Variants in CD200 observed in about 807,000 individuals in gnomAD.
CD200 encodes OX-2 membrane glycoprotein.
CD200 carries 15 observed loss-of-function variants against 30.9 expected under a neutral mutation model. That is an observed-to-expected ratio of 0.49 (90% CI 0.32 to 0.75). CD200 has a LOEUF of 0.75. Among genes scored for constraint, CD200 ranks in the 30% least tolerant of loss-of-function variants. The probability of loss-of-function intolerance (pLI) is 0.03; values close to 1 mark genes in which losing one functional copy is unlikely to be tolerated. For missense variants in CD200, 262 were observed against 324.2 expected (o/e 0.81, Z 1.47); for synonymous variants, 134 against 126.2 (o/e 1.06, Z -0.41).
chr3:112,337,515 C>T (rs1261841437), intron 1 of CD200, among the ~76,000 whole-genome samples: 1 of 152,118 alleles, frequency 6.6e-6, no homozygotes, highest in Non-Finnish European at 1.5e-5. Context: ...AGAATGAAAA[C>T]AGGCTAAGAA....
chr3:112,334,135 T>A (rs2081060800), intron 1 of CD200: 1 of 985,256 alleles, frequency 1.0e-6, no homozygotes, highest in Non-Finnish European at 1.2e-6. Context: ...TTTGTAACTA[T>A]CCTTCTAAAA....
In CD200 at chr3:112,335,972, C is replaced by T. The variant is rs917573790; in HGVS notation, c.12+2748C>T. On this transcript the variant is annotated intron_variant, in intron 1 of 5. Coordinates refer to ENST00000315711, the MANE Select transcript of CD200 (RefSeq NM_005944.7). Reference sequence around the variant, plus strand: ...TGACCAGGACAATTGGGGGCCCTCTCCTTACAGCTACACTCCTAGGAAAGA... The same window carrying T: ...TGACCAGGACAATTGGGGGCCCTCTTCTTACAGCTACACTCCTAGGAAAGA... 5.0e-6 allele frequency: 8 copies of T among 1,612,656 alleles called. No individual in the cohort carries two copies. In the African/African-American group the frequency reaches 6.7e-5, roughly 13 times the overall value.
intron 5 of CD200, among the ~76,000 whole-genome samples, chr3:112,350,310 T>C (rs1489150906): frequency 6.6e-6 from 1 of 152,254 alleles, no homozygotes; most frequent in Non-Finnish European, 1.5e-5. Flanking sequence ...CATGCCATTC[T>C]GCCCTTCTAG....
At chr3:112,360,740 T>A (rs1480126311) in intron 5 of CD200, among the ~76,000 whole-genome samples, 1 of 152,132 alleles carries the variant, frequency 6.6e-6, no homozygotes, top group Non-Finnish European at 1.5e-5. Flanking sequence ...AAGATAAAAT[T>A]CCAAGTCTTT....
intron 5 of CD200, among the ~76,000 whole-genome samples, chr3:112,353,387 T>C (rs2081571172): frequency 6.6e-6 from 1 of 152,184 alleles, no homozygotes; most frequent in Non-Finnish European, 1.5e-5. Flanking sequence ...GTAAAATTTA[T>C]ATGCCAAACT....
rs1386222788 is a variant in CD200, at chr3:112,361,622, A to T, written c.*72A>T. On this transcript the variant is annotated 3_prime_UTR_variant, in exon 6 of 6. Transcript: ENST00000315711. ...TTGACACAAGAGAAAAGCAGGAGGA[A>T]AAGGGGCCATTCTCCAAAGGACCTG... 2 of 1,359,642 alleles carry T rather than the reference A, an allele frequency of 1.5e-6. No homozygotes were observed. Among genetic ancestry groups the T allele is most frequent in the Non-Finnish European group, 2.1e-6 (2 of 948,164 alleles). The allele number at this position is 1,359,642 out of a possible 1,614,324, so 84.2% of individuals were successfully genotyped here.
chr3:112,348,394 C>T (rs2399417), intron 4 of CD200, among the ~76,000 whole-genome samples: 18,875 of 152,138 alleles, frequency 0.12, 1,464 homozygotes, highest in South Asian at 0.27. Flanking sequence ...GAAGTGCTTT[C>T]GTCACCCATT....
chr3:112,359,690 A>T (rs1391433811), intron 5 of CD200, among the ~76,000 whole-genome samples: 5 of 152,230 alleles, frequency 3.3e-5, no homozygotes, highest in Non-Finnish European at 7.3e-5. Flanking sequence ...AGCACTGGTT[A>T]TTATACTATA....
intron 2 of CD200, among the ~76,000 whole-genome samples, chr3:112,341,387 G>A (rs1229857771): frequency 6.6e-6 from 1 of 152,224 alleles, no homozygotes; most frequent in Non-Finnish European, 1.5e-5. Flanking sequence ...ACAGAAAAAT[G>A]TAGAAAACAA....
chr3:112,333,091 T>C, upstream of CD200: 1 of 1,444,082 alleles, frequency 6.9e-7, no homozygotes, highest in Non-Finnish European at 9.4e-7. Flanking sequence ...AGAAGGGGGC[T>C]AGCGAGGAGG....
intron 1 of CD200, among the ~76,000 whole-genome samples, chr3:112,336,451 G>A (rs1023145396): frequency 1.3e-5 from 2 of 151,890 alleles, no homozygotes; most frequent in African/African-American, 4.8e-5. Context: ...GAGTGATAAG[G>A]AAAATGAATT....
chr3:112,349,177 A>C (rs1048920644), intron 4 of CD200, among the ~76,000 whole-genome samples: 2 of 152,230 alleles, frequency 1.3e-5, no homozygotes, highest in African/African-American at 2.4e-5. Flanking sequence ...ACTGATATTT[A>C]GGCTGAGTTG....
chr3:112,340,160 A>G (rs1022798026), intron 1 of CD200, among the ~76,000 whole-genome samples: 2 of 152,226 alleles, frequency 1.3e-5, no homozygotes, highest in Non-Finnish European at 2.9e-5. Flanking sequence ...AAAAAGTTAC[A>G]TTTCTTTCCT....
chr3:112,361,798 G>A lies in CD200; in HGVS notation c.*248G>A, dbSNP rs959328936. On this transcript the variant is annotated 3_prime_UTR_variant, in exon 6 of 6. Transcript: ENST00000315711. ...ATTTTGTAAAGCAATGCCATGTTAT[G>A]TGGTTGAAAGGGCACTGGACTTAGT... The A allele has an allele frequency of 3.5e-5, 20 of 571,312 alleles. No individual in the cohort carries two copies. The highest frequency in any genetic ancestry group is 1.9e-4 in the African/African-American group (10 of 53,024). The allele number at this position is 571,312 out of a possible 1,614,324, so 35.4% of individuals were successfully genotyped here.
chr3:112,342,744 T>C (rs2081297076), intron 2 of CD200, among the ~76,000 whole-genome samples: 1 of 152,146 alleles, frequency 6.6e-6, no homozygotes, highest in Non-Finnish European at 1.5e-5. Flanking sequence ...TGTCTATAGA[T>C]TTTTAACATA....
At chr3:112,349,612 AT>A in intron 4 of CD200, 99 bp from the exon 5 acceptor site, 1 of 796,730 alleles carries the variant, frequency 1.3e-6, no homozygotes, top group Non-Finnish European at 1.9e-6. Flanking sequence ...CTACATATGT[AT>A]GTATTTAAGG....
chr3:112,333,734 A>T, intron 1 of CD200: 1 of 985,456 alleles, frequency 1.0e-6, no homozygotes, highest in Non-Finnish European at 1.2e-6. Flanking sequence ...TTTGTTATGC[A>T]GCCCCTTTCT....
At chr3:112,357,461 G>A (rs968406889) in intron 5 of CD200, among the ~76,000 whole-genome samples, 3 of 152,078 alleles carry the variant, frequency 2.0e-5, no homozygotes, top group Non-Finnish European at 4.4e-5. Flanking sequence ...TAAAGCTCTA[G>A]CACACCAATG....
chr3:112,342,341 CTTTCTTTCTTTCTTTCTTTCTTT>C (rs1559783221), intron 2 of CD200, among the ~76,000 whole-genome samples: 612 of 45,454 alleles, frequency 0.013, 45 homozygotes, highest in South Asian at 0.041. Flanking sequence ...TTCTTTCCTT[CTTTCTTTCTTTCTTTCTTTCTTT>C]CTTTCTTTCT....
Sources: gnomAD v4.1 joint callset for allele counts (sites outside exome capture counted in the v4.1 genomes callset) on GRCh38, gnomAD v4.1.1 for gene constraint, MANE v1.5 for transcripts, NCBI Gene and HGNC (gene_info 2026-07-23, HGNC 2026-07-21) for gene names.